TULP4: variants seen among roughly 807,000 people sequenced by gnomAD.
TULP4 encodes tubby-related protein 4.
Under a neutral mutation model 129.0 loss-of-function variants are expected in TULP4, and 16 were observed. The ratio of observed to expected loss-of-function variants is 0.12; its 90% CI spans 0.08 to 0.19. TULP4 has a LOEUF of 0.19. TULP4 is among the 10% of genes least tolerant of loss of function. TULP4 has a pLI of 1.00. For missense variants in TULP4, 1,842 were observed against 2,059.1 expected (o/e 0.89, Z 2.04); for synonymous variants, 998 against 854.0 (o/e 1.17, Z -2.94).
intron 1 of TULP4, among the ~76,000 whole-genome samples, chr6:158,233,936 T>A (rs1466432808): frequency 6.6e-6 from 1 of 152,134 alleles, no homozygotes; most frequent in Non-Finnish European, 1.5e-5. Flanking sequence ...GTTTTTTACA[T>A]GATGTGGGGA....
chr6:158,381,428 G>A (rs1332637485), intron 1 of TULP4, among the ~76,000 whole-genome samples: 3 of 152,188 alleles, frequency 2.0e-5, no homozygotes, highest in African/African-American at 7.2e-5. Flanking sequence ...AGGCTTAATA[G>A]AGCCTTATGG....
At chr6:158,253,702 T>C (rs1778188482) in intron 1 of TULP4, among the ~76,000 whole-genome samples, 1 of 152,142 alleles carries the variant, frequency 6.6e-6, no homozygotes, top group Non-Finnish European at 1.5e-5. Context: ...CTTAACATTT[T>C]CTGACCTACA....
chr6:158,263,962 C>G (rs1373031286), intron 1 of TULP4, among the ~76,000 whole-genome samples: 6 of 151,354 alleles, frequency 4.0e-5, no homozygotes, highest in Non-Finnish European at 8.8e-5. Flanking sequence ...ACTGGGGAGG[C>G]TGAGACAGGA....
intron 1 of TULP4, among the ~76,000 whole-genome samples, chr6:158,333,319 T>C (rs1481238384): frequency 6.6e-6 from 1 of 152,104 alleles, no homozygotes; most frequent in East Asian, 1.9e-4. Context: ...AGAAGACACA[T>C]CGGAGAGCTT....
chr6:158,414,082 A>G (rs1778154432), intron 2 of TULP4, among the ~76,000 whole-genome samples: 1 of 152,254 alleles, frequency 6.6e-6, no homozygotes, highest in African/African-American at 2.4e-5. Flanking sequence ...TAAAATTACA[A>G]TGAATGAAGA....
chr6:158,405,632 C>T (rs1261655242), intron 1 of TULP4, among the ~76,000 whole-genome samples: 1 of 152,164 alleles, frequency 6.6e-6, no homozygotes, highest in African/African-American at 2.4e-5. Flanking sequence ...AGTCTAGACA[C>T]ATTCCAGAGC....
intron 1 of TULP4, among the ~76,000 whole-genome samples, chr6:158,305,367 AT>A (rs1554278464): frequency 2.3e-5 from 3 of 131,518 alleles, no homozygotes; most frequent in Non-Finnish European, 5.0e-5. Flanking sequence ...GTGTGTGTAC[AT>A]ATACCACATT....
intron 1 of TULP4, among the ~76,000 whole-genome samples, chr6:158,366,805 C>T (rs1780976511): frequency 6.6e-6 from 1 of 152,196 alleles, no homozygotes; most frequent in Non-Finnish European, 1.5e-5. Context: ...CAGAAATTGT[C>T]TTAGCTTCTT....
At chr6:158,290,003 A>T (rs1331129218) in intron 1 of TULP4, among the ~76,000 whole-genome samples, 1 of 151,926 alleles carries the variant, frequency 6.6e-6, no homozygotes, top group Non-Finnish European at 1.5e-5. Context: ...TGGCGTGATT[A>T]ATGGCTCACT....
chr6:158,480,972 A>T, intron 7 of TULP4, 83 bp from the exon 8 acceptor site: 1 of 1,285,264 alleles, frequency 7.8e-7, no homozygotes, highest in Non-Finnish European at 1.1e-6. Flanking sequence ...TTTTTAGTTG[A>T]CCTGCCCCCG....
At chr6:158,436,484 A>G (rs990835044) in intron 3 of TULP4, among the ~76,000 whole-genome samples, 3 of 152,186 alleles carry the variant, frequency 2.0e-5, no homozygotes, top group Admixed American at 6.5e-5. Context: ...TGAAAACATG[A>G]TTATATTTTA....
At chr6:158,467,277 CTTT>C (rs59276592) in intron 6 of TULP4, among the ~76,000 whole-genome samples, 5 of 140,878 alleles carry the variant, frequency 3.5e-5, no homozygotes, top group Non-Finnish European at 4.7e-5. Context: ...CTTTCCCTTT[CTTT>C]TTTTTTTTTT....
At chr6:158,477,618 A>C (rs571325503) in intron 6 of TULP4, among the ~76,000 whole-genome samples, 1 of 152,302 alleles carries the variant, frequency 6.6e-6, no homozygotes, top group South Asian at 2.1e-4. Flanking sequence ...AGAATAATAG[A>C]TGTCGGCATG....
chr6:158,424,083 G>T (rs540735059), intron 2 of TULP4, among the ~76,000 whole-genome samples: 1 of 152,196 alleles, frequency 6.6e-6, no homozygotes, highest in East Asian at 1.9e-4. Flanking sequence ...GGTGAAAACT[G>T]ATATTTACTA....
chr6:158,240,535 T>A (rs1273548411), intron 1 of TULP4, among the ~76,000 whole-genome samples: 1 of 65,614 alleles, frequency 1.5e-5, no homozygotes, highest in Non-Finnish European at 3.2e-5. Context: ...CCCCCCCACC[T>A]CCCTCCCGGA....
chr6:158,232,536 T>C (rs927675455), intron 1 of TULP4, among the ~76,000 whole-genome samples: 12 of 151,502 alleles, frequency 7.9e-5, no homozygotes, highest in Admixed American at 5.9e-4. Context: ...GGCCGCTGCT[T>C]GGCTGTGGGA....
chr6:158,237,162 A>AT lies in TULP4; in HGVS notation n.68+4860dup, dbSNP rs200950370. ...AGCTATGAGGCAACCAGTAGGCCATATCTCACTAGGCAGACTTTGAGGAAG... is the reference window on the plus strand; with the variant it reads ...AGCTATGAGGCAACCAGTAGGCCATATTCTCACTAGGCAGACTTTGAGGAAG... On this transcript the variant is annotated intron_variant and non_coding_transcript_variant, in intron 1 of 1. Transcript: ENST00000620026. Among the ~76,000 whole-genome samples the AT allele has an allele frequency of 5.7e-3, 867 of 152,208 alleles. 11 individuals are homozygous for AT. Among genetic ancestry groups the AT allele is most frequent in the African/African-American group, 0.02 (824 of 41,528 alleles).
chr6:158,498,704 C>T lies in TULP4; in HGVS notation c.1906C>T (p.Arg636Trp). ...YKTSLLHLQP[R>W]QMTIYLPEVR... ...AACCAGCCTCCTGCATCTCCAGCCG[C>T]GGCAGATGACCATTTATCTCCCAGA... The change falls in exon 12 of 14, where the codon CGG becomes TGG. Residue 636 changes from arginine (R) to tryptophan (W), a missense_variant. By Grantham distance (101) the Arg-to-Trp change is moderately radical. Transcript: ENST00000367097. The T allele has an allele frequency of 6.2e-7, 1 of 1,614,176 alleles. No individual in the cohort carries two copies. Among genetic ancestry groups the T allele is most frequent in the Non-Finnish European group, 8.5e-7 (1 of 1,180,042 alleles).
rs540331177 is a variant in TULP4 at position 158,376,013 on chromosome 6, A to G, written c.253-37052A>G. ...CTGGGATTTCAGGTCAGGGAAGAGC[A>G]GGGGCATGAAGGCCGGAAACTGTGG... On this transcript the variant is annotated intron_variant, in intron 1 of 13. Coordinates refer to ENST00000367097, the MANE Select transcript of TULP4 (RefSeq NM_020245.5). Among the ~76,000 whole-genome samples, 8 of 152,312 alleles carry G rather than the reference A, an allele frequency of 5.3e-5. No homozygotes were observed. The South Asian group carries it at 1.5e-3, about 28-fold the overall frequency.
Sources: allele counts gnomAD v4.1 joint callset (sites outside exome capture counted in the v4.1 genomes callset), GRCh38; gene constraint gnomAD v4.1.1; transcripts MANE v1.5; gene names NCBI Gene and HGNC (gene_info 2026-07-23, HGNC 2026-07-21).